CHD6: variants seen among roughly 807,000 people sequenced by gnomAD.
CHD6 encodes the protein ATP-dependent chromatin remodeler CHD6.
In CHD6, 50 loss-of-function variants were observed where a neutral mutation model predicts 276.9. The observed-to-expected ratio is 0.18, with a 90% CI of 0.14 to 0.23. The LOEUF (loss-of-function observed/expected upper bound fraction) is 0.23, where lower values mean the gene tolerates loss of function less well. Among genes scored for constraint, CHD6 ranks in the 10% least tolerant of loss-of-function variants. The pLI, the probability that CHD6 is intolerant of heterozygous loss-of-function variation, is 1.00. For synonymous variants in CHD6, 1,173 were observed against 1,229.3 expected (o/e 0.95, Z 0.96); for missense variants, 2,564 against 3,365.8 (o/e 0.76, Z 5.89).
chr20:41,514,035 T>C lies in CHD6; in HGVS notation c.702+770A>G, dbSNP rs146433424. Among the ~76,000 whole-genome samples the C allele has an allele frequency of 5.4e-4, 83 of 152,300 alleles. No individual in the cohort carries two copies. In the East Asian group the frequency reaches 0.012, roughly 23 times the overall value. ...CTTAACAGCCACCAGCCCCAGTTTA[T>C]AGGCAGTGAGGAGTCTGCTCTGACA... On this transcript the variant is annotated intron_variant, in intron 4 of 36. Transcript: ENST00000373233.
intron 1 of CHD6, among the ~76,000 whole-genome samples, chr20:41,603,928 T>A (rs1170021239): frequency 6.7e-6 from 1 of 150,190 alleles, no homozygotes; most frequent in African/African-American, 2.5e-5. Flanking sequence ...AGATTCTACA[T>A]CCAGCTGGAA....
chr20:41,590,753 C>G (rs898559477), intron 1 of CHD6, among the ~76,000 whole-genome samples: 4 of 152,076 alleles, frequency 2.6e-5, no homozygotes, highest in African/African-American at 4.8e-5. Context: ...CACTTTTACA[C>G]TGTTGGTGGG....
intron 2 of CHD6, among the ~76,000 whole-genome samples, chr20:41,536,533 A>G (rs995933224): frequency 5.6e-4 from 86 of 152,352 alleles, no homozygotes; most frequent in African/African-American, 1.8e-3. Flanking sequence ...CAATTATTCA[A>G]GAACTTGAAA....
chr20:41,597,833 C>T (rs1056643414), intron 1 of CHD6, among the ~76,000 whole-genome samples: 1 of 152,102 alleles, frequency 6.6e-6, no homozygotes, highest in Non-Finnish European at 1.5e-5. Context: ...TTGTTATACC[C>T]TGTGGAGACT....
At chr20:41,478,046 C>T (rs983335912) in intron 16 of CHD6, among the ~76,000 whole-genome samples, 8 of 152,156 alleles carry the variant, frequency 5.3e-5, no homozygotes, top group South Asian at 2.1e-4. Context: ...TAAATACAGT[C>T]AAGTTTCCAC....
intron 10 of CHD6, 93 bp downstream of exon 10, chr20:41,493,445 C>T: frequency 7.9e-7 from 1 of 1,272,308 alleles, no homozygotes; most frequent in Non-Finnish European, 1.1e-6. Flanking sequence ...CCACAGAAAC[C>T]ACCTAGGAAC....
In CHD6 at chr20:41,437,232, T is replaced by C. The variant is rs774781120; in HGVS notation, c.4068+42A>G. ...CAAGATAGGGATTTCTTTCTTAATA[T>C]GAAAGACGGTGTAAATGACCAATAC... is the stretch of plus-strand genomic sequence containing the variant. On this transcript the variant is annotated intron_variant, in intron 27 of 36. Coordinates refer to ENST00000373233, the MANE Select transcript of CHD6 (RefSeq NM_032221.5). 14 of 1,449,874 alleles carry C rather than the reference T, an allele frequency of 9.7e-6. 1 individual carries two copies. The South Asian group carries it at 1.5e-4, about 16-fold the overall frequency. 89.8% of individuals were successfully genotyped at this position (1,449,874 alleles called of 1,614,324 possible). A position where few individuals can be genotyped will look rare whatever the true frequency, so the allele number is the denominator to read the frequency against.
chr20:41,565,132 T>C (rs1327414992), intron 1 of CHD6, among the ~76,000 whole-genome samples: 1 of 151,824 alleles, frequency 6.6e-6, no homozygotes, highest in African/African-American at 2.4e-5. Context: ...GATTCACTAT[T>C]GTCACCCAGG....
intron 1 of CHD6, among the ~76,000 whole-genome samples, chr20:41,576,902 G>C (rs1291337205): frequency 1.3e-5 from 2 of 152,068 alleles, no homozygotes; most frequent in Admixed American, 1.3e-4. Flanking sequence ...CACAAAAGAA[G>C]GACCATCCAA....
intron 1 of CHD6, among the ~76,000 whole-genome samples, chr20:41,558,717 C>G (rs1302724190): frequency 6.6e-6 from 1 of 152,124 alleles, no homozygotes; most frequent in Non-Finnish European, 1.5e-5. Flanking sequence ...CCTCTCTCCC[C>G]CTTCTCAGTC....
intron 25 of CHD6, among the ~76,000 whole-genome samples, chr20:41,440,764 A>G (rs981716229): frequency 6.6e-6 from 1 of 152,234 alleles, no homozygotes; most frequent in Non-Finnish European, 1.5e-5. Context: ...TTTGTTTGAT[A>G]AAGTCCATGT....
chr20:41,461,770 A>C (rs1378930576), intron 17 of CHD6: 1 of 152,384 alleles, frequency 6.6e-6, no homozygotes, highest in Non-Finnish European at 1.5e-5. Flanking sequence ...TCTTAGACTC[A>C]ACAATCCTGG....
chr20:41,574,977 G>C (rs1199290415), intron 1 of CHD6, among the ~76,000 whole-genome samples: 2 of 152,172 alleles, frequency 1.3e-5, no homozygotes, highest in Non-Finnish European at 2.9e-5. Context: ...CATTTGACTA[G>C]GAGTGTAACT....
Position 41,465,269 on chromosome 20 carries a change from C to T in CHD6, c.2665-7841G>A, listed in dbSNP as rs145211503. On this transcript the variant is annotated intron_variant, in intron 17 of 36. Transcript: ENST00000373233. ...TGGTGGAGAAACTTGGCAGATGGCACGTTAACCAAGTAATCAAAGTTACAT... is the reference window on the plus strand; with the variant it reads ...TGGTGGAGAAACTTGGCAGATGGCATGTTAACCAAGTAATCAAAGTTACAT... Among the ~76,000 whole-genome samples the T allele has an allele frequency of 2.6e-3, 392 of 152,234 alleles. 1 individual carries two copies. Among genetic ancestry groups the T allele is most frequent in the African/African-American group, 8.9e-3 (371 of 41,530 alleles).
At chr20:41,412,687 TA>T (rs2046876463) in intron 35 of CHD6, among the ~76,000 whole-genome samples, 1 of 152,148 alleles carries the variant, frequency 6.6e-6, no homozygotes, top group African/African-American at 2.4e-5. Context: ...CATATCTTAT[TA>T]GTTAGGCGCA....
chr20:41,450,658 A>T (rs2048209032), intron 23 of CHD6, among the ~76,000 whole-genome samples: 1 of 152,200 alleles, frequency 6.6e-6, no homozygotes, highest in Admixed American at 6.5e-5. Flanking sequence ...GGGGCAGAGG[A>T]TGACCTGACT....
intron 5 of CHD6, among the ~76,000 whole-genome samples, chr20:41,506,822 T>C (rs1447176312): frequency 6.6e-6 from 1 of 152,220 alleles, no homozygotes; most frequent in Non-Finnish European, 1.5e-5. Context: ...TTCCTTGGTG[T>C]TATTTCCAGA....
In CHD6 at chr20:41,404,863, C is replaced by G. The variant is rs1038067600; in HGVS notation, c.7878G>C (p.Met2626Ile). The G allele has an allele frequency of 4.3e-6, 7 of 1,613,994 alleles. No homozygotes were observed. Among genetic ancestry groups the G allele is most frequent in the African/African-American group, 1.3e-5 (1 of 74,904 alleles). ...CCATGCCCATACCAGGGGAGAGGAA[C>G]ATGGATGGGTAAATGAGTCCAGGAG... is the stretch of plus-strand genomic sequence containing the variant. ...GVSPGLIYPS[M>I]FLSPGMGMAL... The change falls in exon 37 of 37, where the codon ATG (methionine) becomes ATC (isoleucine). Residue 2626 changes from methionine to isoleucine, a missense_variant. By Grantham distance (10) the Met-to-Ile change is conservative. Around this residue, in one of 7 missense-constraint regions of CHD6, gnomAD observed 238 missense variants for 266.0 expected, o/e 0.89. Coordinates refer to ENST00000373233, the MANE Select transcript of CHD6 (RefSeq NM_032221.5).
chr20:41,516,603 C>T (rs934717379), intron 3 of CHD6, among the ~76,000 whole-genome samples: 1 of 152,102 alleles, frequency 6.6e-6, no homozygotes, highest in African/African-American at 2.4e-5. Context: ...AGTCTGTGCT[C>T]TTGATCATAG....
Sources: allele counts gnomAD v4.1 joint callset (sites outside exome capture counted in the v4.1 genomes callset), GRCh38; gene constraint gnomAD v4.1.1; regional missense constraint gnomAD v4.1.1; transcripts MANE v1.5; gene names NCBI Gene and HGNC (gene_info 2026-07-23, HGNC 2026-07-21).